DOCK10: variants seen among roughly 807,000 people sequenced by gnomAD.
The protein encoded by DOCK10 is dedicator of cytokinesis 10.
In DOCK10, 145 loss-of-function variants were observed where a neutral mutation model predicts 280.1. The ratio of observed to expected loss-of-function variants is 0.52; its 90% CI spans 0.45 to 0.59. DOCK10 has a LOEUF of 0.59. DOCK10 is among the 20% of genes least tolerant of loss of function. The pLI is 0.00. For synonymous variants in DOCK10, 915 were observed against 942.2 expected, an observed-to-expected ratio of 0.97 and a Z score of 0.53; for missense variants, 2,368 against 2,651.7, an observed-to-expected ratio of 0.89 and a Z score of 2.35.
At chr2:224,961,412 C>CTTTCTTTT (rs57668925) in intron 1 of DOCK10, among the ~76,000 whole-genome samples, 14 of 119,464 alleles carry the variant, frequency 1.2e-4, no homozygotes, top group African/African-American at 4.7e-4. Flanking sequence ...TTCTTTCTTT[C>CTTTCTTTT]TCTTTCTTTC....
intron 1 of DOCK10, among the ~76,000 whole-genome samples, chr2:224,976,844 GT>G (rs1705474576): frequency 6.6e-6 from 1 of 151,942 alleles, no homozygotes; most frequent in Non-Finnish European, 1.5e-5. Flanking sequence ...TCCTTCTTTT[GT>G]TTTTGGTTTT....
intron 3 of DOCK10, among the ~76,000 whole-genome samples, chr2:224,911,477 T>A (rs1185491710): frequency 6.6e-6 from 1 of 152,232 alleles, no homozygotes; most frequent in East Asian, 1.9e-4. Context: ...TTTCATGCTA[T>A]CTTTCCCCTG....
chr2:225,015,482 C>A (rs1015772458), intron 1 of DOCK10, among the ~76,000 whole-genome samples: 3 of 152,132 alleles, frequency 2.0e-5, no homozygotes, highest in African/African-American at 7.2e-5. Context: ...CTCATATGTT[C>A]TGGGGTTTTA....
Position 224,797,101 on chromosome 2 carries a change from A to G in DOCK10, c.4690T>C (p.Phe1564Leu), listed in dbSNP as rs1307206155. ...FQGPADLCGS[F>L]CYEVLKCCNH... ...CAGCATTTTAGGACTTCGTAACAGA[A>G]TGATCCACAGAGGTCAGCAGGCCCT... Residue 1564 changes from phenylalanine (F) to leucine (L), a missense_variant, in exon 43 of 56, where the codon TTC (phenylalanine) becomes CTC (leucine). Phe to Leu is a conservative substitution (Grantham distance 22, BLOSUM62 0). Around this residue, in one of 2 missense-constraint regions of DOCK10, gnomAD observed 1,159 missense variants for 1,400.8 expected, o/e 0.83. Transcript: ENST00000258390. 1 of 1,613,540 alleles carries G rather than the reference A, an allele frequency of 6.2e-7. No individual in the cohort carries two copies. Among genetic ancestry groups the G allele is most frequent in the South Asian group, 1.1e-5 (1 of 90,972 alleles).
intron 11 of DOCK10, among the ~76,000 whole-genome samples, chr2:224,872,949 A>G (rs1698380658): frequency 6.6e-6 from 1 of 152,236 alleles, no homozygotes; most frequent in Non-Finnish European, 1.5e-5. Flanking sequence ...ATTTTAAAAA[A>G]TAATTCAACA....
chr2:224,984,998 C>A (rs1705930594), intron 1 of DOCK10, among the ~76,000 whole-genome samples: 1 of 152,100 alleles, frequency 6.6e-6, no homozygotes, highest in African/African-American at 2.4e-5. Context: ...TGCACCACCA[C>A]ACCTGGCTAA....
chr2:224,790,032 C>T (rs1212338659), intron 47 of DOCK10, among the ~76,000 whole-genome samples: 1 of 152,228 alleles, frequency 6.6e-6, no homozygotes, highest in African/African-American at 2.4e-5. Flanking sequence ...CTGCCCGCCT[C>T]AGCCTCCTGA....
intron 3 of DOCK10, among the ~76,000 whole-genome samples, chr2:224,905,171 C>T (rs958432926): frequency 4.0e-5 from 6 of 150,792 alleles, no homozygotes. Context: ...GAATTTTGCT[C>T]TGCAATACAT....
intron 1 of DOCK10, among the ~76,000 whole-genome samples, chr2:225,039,374 T>C (rs563542684): frequency 6.6e-6 from 1 of 152,354 alleles, no homozygotes; most frequent in Non-Finnish European, 1.5e-5. Context: ...GAGTTGTCTT[T>C]CATTTATTTT....
In DOCK10 at chr2:224,896,277, C is replaced by T. The variant is rs200578753; in HGVS notation, c.416+18G>A. On this transcript the variant is annotated intron_variant, in intron 4 of 55. Transcript: ENST00000258390. Reference sequence around the variant, plus strand: ...TATATTTGGAAAAGACCAATAAGTGCTCATAACAGGTTCTTACCGGGGTAG... The same window carrying T: ...TATATTTGGAAAAGACCAATAAGTGTTCATAACAGGTTCTTACCGGGGTAG... 75 of 1,481,590 alleles carry T rather than the reference C, an allele frequency of 5.1e-5. No individual in the cohort carries two copies. In the African/African-American group the frequency reaches 9.5e-4, roughly 19 times the overall value. 91.8% of individuals were successfully genotyped at this position (1,481,590 alleles called of 1,614,324 possible). A position where few individuals can be genotyped will look rare whatever the true frequency, so the allele number is the denominator to read the frequency against.
chr2:224,999,456 TCCCTTCCTGCCTCC>T (rs1706366709), intron 1 of DOCK10, among the ~76,000 whole-genome samples: 1 of 132,796 alleles, frequency 7.5e-6, no homozygotes, highest in African/African-American at 3.3e-5. Context: ...CTTCCCTCCC[TCCCTTCCTGCCTCC>T]CTCCCTTCCT....
intron 11 of DOCK10, among the ~76,000 whole-genome samples, chr2:224,865,996 C>T (rs542039330): frequency 2.0e-5 from 3 of 152,110 alleles, no homozygotes; most frequent in Admixed American, 6.5e-5. Flanking sequence ...AATACTCCAG[C>T]GAGTGTTTTC....
intron 1 of DOCK10, among the ~76,000 whole-genome samples, chr2:224,963,965 A>C (rs1704587163): frequency 6.6e-6 from 1 of 150,400 alleles, no homozygotes; most frequent in Non-Finnish European, 1.5e-5. Context: ...CTAAACTACA[A>C]TCACATGTTT....
chr2:224,960,223 C>T (rs115751753), intron 1 of DOCK10, among the ~76,000 whole-genome samples: 33 of 152,278 alleles, frequency 2.2e-4, no homozygotes, highest in African/African-American at 7.7e-4. Flanking sequence ...CTCCTGCTCC[C>T]GCCGTGCTTA....
At chr2:224,946,692 T>C (rs1703438403) in intron 1 of DOCK10, among the ~76,000 whole-genome samples, 1 of 152,214 alleles carries the variant, frequency 6.6e-6, no homozygotes, top group Admixed American at 6.5e-5. Flanking sequence ...ATGATGGAAG[T>C]AAAAGAGAAT....
intron 2 of DOCK10, among the ~76,000 whole-genome samples, chr2:224,919,966 C>T (rs1701596539): frequency 6.6e-6 from 1 of 152,122 alleles, no homozygotes; most frequent in African/African-American, 2.4e-5. Context: ...TCAAACCAGG[C>T]ATAGGTGCAG....
chr2:225,020,298 T>C (rs1291977738), intron 1 of DOCK10, among the ~76,000 whole-genome samples: 2 of 152,198 alleles, frequency 1.3e-5, no homozygotes, highest in Non-Finnish European at 2.9e-5. Flanking sequence ...CATATTAATG[T>C]TCATCTGCTG....
At chr2:225,009,040 G>A (rs1269965991) in intron 1 of DOCK10, among the ~76,000 whole-genome samples, 3 of 152,106 alleles carry the variant, frequency 2.0e-5, no homozygotes, top group Admixed American at 1.3e-4. Flanking sequence ...TTCCAATCTT[G>A]TAATCTAAAG....
chr2:225,039,192 T>C lies in DOCK10; in HGVS notation c.123+3060A>G, dbSNP rs985562675. Among the ~76,000 whole-genome samples the C allele has an allele frequency of 6.6e-5, 10 of 152,334 alleles. No homozygotes were observed. In the South Asian group the frequency reaches 8.3e-4, roughly 13 times the overall value. On this transcript the variant is annotated intron_variant, in intron 1 of 55. Coordinates refer to ENST00000258390, the MANE Select transcript of DOCK10 (RefSeq NM_014689.3). ...TTACAACTTTGAAGCCAACATGGTATGTATATTCAACCAATGTAATAAAAC... is the reference window on the plus strand; with the variant it reads ...TTACAACTTTGAAGCCAACATGGTACGTATATTCAACCAATGTAATAAAAC...
Sources: allele counts gnomAD v4.1 joint callset (sites outside exome capture counted in the v4.1 genomes callset), GRCh38; gene constraint gnomAD v4.1.1; regional missense constraint gnomAD v4.1.1; transcripts MANE v1.5; gene names NCBI Gene and HGNC (gene_info 2026-07-23, HGNC 2026-07-21).